The following RAB3GAP1 variants were observed in gnomAD, a reference collection of about 807,000 sequenced individuals.
The protein encoded by RAB3GAP1 is RAB3 GTPase activating protein catalytic subunit 1, also known as rab3 GTPase-activating protein catalytic subunit.
RAB3GAP1 carries 86 observed loss-of-function variants against 130.7 expected under a neutral mutation model. The observed-to-expected ratio is 0.66, with a 90% CI of 0.55 to 0.79. The LOEUF (loss-of-function observed/expected upper bound fraction) is 0.79, where lower values mean the gene tolerates loss of function less well. RAB3GAP1 is among the 30% of genes least tolerant of loss of function. The probability of loss-of-function intolerance (pLI) is 0.00; values close to 1 mark genes in which losing one functional copy is unlikely to be tolerated. For missense variants in RAB3GAP1, 1,029 were observed against 1,169.4 expected (o/e 0.88, Z 1.75); for synonymous variants, 367 against 401.7 (o/e 0.91, Z 1.03).
chr2:135,087,509 A>G (rs531516211), intron 3 of RAB3GAP1, among the ~76,000 whole-genome samples: 6 of 152,300 alleles, frequency 3.9e-5, no homozygotes, highest in African/African-American at 1.4e-4. Context: ...TTTATCTTTC[A>G]ATCCATGTAT....
At chr2:135,129,011 C>G (rs917412145) in intron 11 of RAB3GAP1, among the ~76,000 whole-genome samples, 2 of 152,058 alleles carry the variant, frequency 1.3e-5, no homozygotes, top group African/African-American at 2.4e-5. Context: ...ATTAGCTGGG[C>G]ATGGTGATGC....
chr2:135,147,160 C>T (rs1344047223), intron 17 of RAB3GAP1, among the ~76,000 whole-genome samples: 1 of 151,896 alleles, frequency 6.6e-6, no homozygotes, highest in South Asian at 2.1e-4. Context: ...AGCCTGGCCA[C>T]CATGACGAAA....
chr2:135,109,326 T>G (rs1184371974), intron 5 of RAB3GAP1, among the ~76,000 whole-genome samples: 2 of 151,646 alleles, frequency 1.3e-5, no homozygotes, highest in Non-Finnish European at 2.9e-5. Context: ...TTCTTTATTA[T>G]GTGTGTGTGT....
At chr2:135,083,155 T>C (rs1689875845) in intron 3 of RAB3GAP1, among the ~76,000 whole-genome samples, 1 of 152,174 alleles carries the variant, frequency 6.6e-6, no homozygotes, top group African/African-American at 2.4e-5. Flanking sequence ...TATGGAGGGC[T>C]GATTGCTTTT....
chr2:135,060,675 G>A lies in RAB3GAP1; in HGVS notation c.150+2589G>A, dbSNP rs565107250. Among the ~76,000 whole-genome samples, 16 of 151,630 alleles carry A rather than the reference G, an allele frequency of 1.1e-4. No individual in the cohort carries two copies. The South Asian group carries it at 3.3e-3, about 32-fold the overall frequency. ...GTGACCCTTTCTAGTTAATTCCCATGCCCTCCAGTCATCTGCTATTATTAT... is the reference window on the plus strand; with the variant it reads ...GTGACCCTTTCTAGTTAATTCCCATACCCTCCAGTCATCTGCTATTATTAT... On this transcript the variant is annotated intron_variant, in intron 3 of 23. Transcript: ENST00000264158.
In RAB3GAP1 at chr2:135,170,696, C is replaced by G. The variant is rs1213667261; in HGVS notation, c.*1915C>G. On this transcript the variant is annotated 3_prime_UTR_variant, in exon 24 of 24. Transcript: ENST00000264158. ...CATTGGCAGTACGGAGTAATAAATG[C>G]AGCAATGTCATAAAGTGTTGTAGGA... 1 of 152,056 alleles carries G rather than the reference C, an allele frequency of 6.6e-6. No homozygotes were observed. The highest frequency in any genetic ancestry group is 1.5e-5 in the Non-Finnish European group (1 of 68,032). 9.4% of individuals were successfully genotyped at this position (152,056 alleles called of 1,614,324 possible).
intron 11 of RAB3GAP1, among the ~76,000 whole-genome samples, chr2:135,129,676 A>G (rs900125545): frequency 6.6e-6 from 1 of 152,142 alleles, no homozygotes; most frequent in African/African-American, 2.4e-5. Flanking sequence ...TGTTACTTAC[A>G]TAACTTAATG....
In RAB3GAP1 at chr2:135,162,773, T is replaced by TAAG. The variant is rs752726257; in HGVS notation, c.2417_2419dup (p.Lys806dup). The TAAG allele has an allele frequency of 6.2e-7, 1 of 1,613,630 alleles. No individual in the cohort carries two copies. ...AAAGTCTCGAAAACATTTCTTCAGT[T>TAAG]AAGAAGATCATAAAGCAGATAATAT... is the stretch of plus-strand genomic sequence containing the variant. On this transcript the variant is annotated inframe_insertion, in exon 21 of 24. Coordinates refer to ENST00000264158, the MANE Select transcript of RAB3GAP1 (RefSeq NM_012233.3).
At chr2:135,166,969 A>T (rs1056139664) in intron 23 of RAB3GAP1, among the ~76,000 whole-genome samples, 1 of 152,160 alleles carries the variant, frequency 6.6e-6, no homozygotes, top group East Asian at 1.9e-4. Context: ...GTTTTTAGGG[A>T]ATTGGTAGAC....
At chr2:135,053,249 A>G (rs1475302918) in intron 2 of RAB3GAP1, among the ~76,000 whole-genome samples, 1 of 152,262 alleles carries the variant, frequency 6.6e-6, no homozygotes, top group Non-Finnish European at 1.5e-5. Flanking sequence ...TACAGGCGTG[A>G]GCCTCCGCCC....
At chr2:135,167,726 C>A in intron 23 of RAB3GAP1, 1 of 1,475,162 alleles carries the variant, frequency 6.8e-7, no homozygotes, top group Non-Finnish European at 9.2e-7. Context: ...AACAAAATAG[C>A]CTTTGCCCCT....
chr2:135,106,178 TG>T (rs1216686903), intron 5 of RAB3GAP1, among the ~76,000 whole-genome samples: 1 of 150,094 alleles, frequency 6.7e-6, no homozygotes, highest in Non-Finnish European at 1.5e-5. Flanking sequence ...GTCCGGGAGG[TG>T]GGGGGTGCCT....
At chr2:135,112,375 G>T (rs1690829293) in intron 5 of RAB3GAP1, among the ~76,000 whole-genome samples, 1 of 152,222 alleles carries the variant, frequency 6.6e-6, no homozygotes, top group African/African-American at 2.4e-5. Flanking sequence ...TGAAACCCAT[G>T]TGTAAACCTG....
chr2:135,079,395 C>T (rs1689722113), intron 3 of RAB3GAP1, among the ~76,000 whole-genome samples: 1 of 152,182 alleles, frequency 6.6e-6, no homozygotes, highest in African/African-American at 2.4e-5. Flanking sequence ...GATGAATTCT[C>T]CTGAACTAAT....
At chr2:135,061,536 A>G (rs182862285) in intron 3 of RAB3GAP1, among the ~76,000 whole-genome samples, 1 of 152,294 alleles carries the variant, frequency 6.6e-6, no homozygotes, top group Admixed American at 6.5e-5. Flanking sequence ...TTCTGTGATG[A>G]TATTAATATT....
chr2:135,171,745 G>A (rs1488550745), downstream of RAB3GAP1, among the ~76,000 whole-genome samples: 2 of 152,218 alleles, frequency 1.3e-5, no homozygotes, highest in Non-Finnish European at 2.9e-5. Flanking sequence ...TGCTCAGGAA[G>A]CTCACAGTGT....
chr2:135,124,242 A>T lies in RAB3GAP1; in HGVS notation c.826A>T (p.Ile276Phe), dbSNP rs150727606. The T allele has an allele frequency of 1.2e-6, 2 of 1,613,390 alleles. No homozygotes were observed. The highest frequency in any genetic ancestry group is 1.7e-6 in the Non-Finnish European group (2 of 1,179,406). Residue 276 changes from isoleucine to phenylalanine, a missense_variant, in exon 9 of 24, where the codon ATT (isoleucine) becomes TTT (phenylalanine). Transcript: ENST00000264158. ...KLPFGACEDP[I>F]SELHLATTWP... The stretch of plus-strand genomic sequence containing the variant: ...ACCATTTGGTGCCTGCGAAGATCCT[A>T]TTAGGTGAGAATTTCAACCTGTCAT...
chr2:135,120,684 T>C (rs535434399), intron 7 of RAB3GAP1, 135 bp from the exon 8 acceptor site: 1 of 753,502 alleles, frequency 1.3e-6, no homozygotes, highest in East Asian at 2.6e-5. Context: ...CACTATTGTT[T>C]AACACTAGAA....
At chr2:135,137,271 G>A in intron 17 of RAB3GAP1, 2 of 392,012 alleles carry the variant, frequency 5.1e-6, no homozygotes, top group South Asian at 3.9e-5. Flanking sequence ...AAAGGTATTG[G>A]CGTATTCCAC....
Sources: allele counts gnomAD v4.1 joint callset (sites outside exome capture counted in the v4.1 genomes callset), GRCh38; gene constraint gnomAD v4.1.1; transcripts MANE v1.5; gene names NCBI Gene and HGNC (gene_info 2026-07-23, HGNC 2026-07-21).